Variants in UGT2B11 observed in about 807,000 individuals in gnomAD.
The protein encoded by UGT2B11 is UDP-glucuronosyltransferase 2B11.
UGT2B11 carries 49 observed loss-of-function variants against 51.7 expected under a neutral mutation model. The observed-to-expected ratio is 0.95, with a 90% CI of 0.75 to 1.20. The LOEUF is 1.20. Ranked by LOEUF, UGT2B11 falls within the 50% of genes most tolerant of loss-of-function variation. The pLI is 0.00. For synonymous variants in UGT2B11, 273 were observed against 209.0 expected (o/e 1.31, Z -2.64); for missense variants, 810 against 622.1 (o/e 1.30, Z -3.21).
the UGT2B11 span, among the ~76,000 whole-genome samples, chr4:69,220,617 G>A: frequency 0.045 from 6,677 of 149,366 alleles, 197 homozygotes; most frequent in South Asian, 0.1. Context: ...GCCCAAAAGC[G>A]AGTAATAGTA....
chr4:69,211,635 T>G (rs1577965310), intron 2 of UGT2B11, among the ~76,000 whole-genome samples: 1 of 151,536 alleles, frequency 6.6e-6, no homozygotes, highest in Non-Finnish European at 1.5e-5. Flanking sequence ...CAACACAATA[T>G]GAAGTTGGCA....
chr4:69,221,089 A>T, the UGT2B11 span, among the ~76,000 whole-genome samples: 4 of 152,120 alleles, frequency 2.6e-5, no homozygotes, highest in African/African-American at 4.8e-5. Flanking sequence ...AGACTTTGTA[A>T]CTCTTGTTCA....
chr4:69,200,931 G>A (rs938693952), intron 5 of UGT2B11, among the ~76,000 whole-genome samples: 10 of 151,212 alleles, frequency 6.6e-5, no homozygotes, highest in African/African-American at 2.2e-4. Flanking sequence ...AGCAGAAATG[G>A]AAGGTCAGGT....
intron 1 of UGT2B11, among the ~76,000 whole-genome samples, chr4:69,213,656 T>G (rs1374975633): frequency 6.6e-6 from 1 of 151,852 alleles, no homozygotes; most frequent in East Asian, 1.9e-4. Flanking sequence ...TCATTCTATA[T>G]CTATGCATTC....
chr4:69,215,803 G>C (rs904490848), upstream of UGT2B11: 1 of 151,932 alleles, frequency 6.6e-6, no homozygotes, highest in South Asian at 2.1e-4. Context: ...AACCAAAAAA[G>C]TTATTTTTTA....
chr4:69,210,146 T>C (rs1388410631), intron 2 of UGT2B11, among the ~76,000 whole-genome samples: 2 of 151,566 alleles, frequency 1.3e-5, no homozygotes, highest in African/African-American at 4.8e-5. Flanking sequence ...TTATTTGTAC[T>C]ATGGCTGATG....
chr4:69,213,717 T>C (rs1722158448), intron 1 of UGT2B11, among the ~76,000 whole-genome samples: 1 of 151,900 alleles, frequency 6.6e-6, no homozygotes, highest in African/African-American at 2.4e-5. Flanking sequence ...TAAAACATTA[T>C]ATAGTAAAAC....
At chr4:69,215,451 G>A (rs1475532647), upstream of UGT2B11, 1 of 151,916 alleles carries the variant, frequency 6.6e-6, no homozygotes, top group African/African-American at 2.4e-5. Flanking sequence ...GTAGAATAGT[G>A]TAAATAAGGA....
intron 1 of UGT2B11, among the ~76,000 whole-genome samples, chr4:69,213,459 A>C (rs1171464544): frequency 6.6e-6 from 1 of 151,764 alleles, no homozygotes; most frequent in African/African-American, 2.4e-5. Context: ...GGAGTATAGA[A>C]ATATTAGAAA....
chr4:69,220,616 C>T, the UGT2B11 span, among the ~76,000 whole-genome samples: 1 of 150,550 alleles, frequency 6.6e-6, no homozygotes, highest in Non-Finnish European at 1.5e-5. Flanking sequence ...GGCCCAAAAG[C>T]GAGTAATAGT....
At chr4:69,211,232 G>A (rs1722050041) in intron 2 of UGT2B11, 1 of 151,488 alleles carries the variant, frequency 6.6e-6, no homozygotes, top group South Asian at 2.1e-4. Flanking sequence ...AGTGAACCCT[G>A]GGTTTGTCTG....
chr4:69,205,585 A>T lies in UGT2B11; in HGVS notation c.1003-18T>A, dbSNP rs189921152. On this transcript the variant is annotated intron_variant, in intron 3 of 5. Coordinates refer to ENST00000446444, the MANE Select transcript of UGT2B11 (RefSeq NM_001073.3). ...CACAGAACCTGTTACAGTAAAGAGA[A>T]TATCTTATTCCATGAGTGGAACTCA... The T allele has an allele frequency of 2.5e-6, 4 of 1,607,424 alleles. No homozygotes were observed. In the African/African-American group the frequency reaches 5.4e-5, roughly 22 times the overall value.
At chr4:69,218,906 A>G (rs1722339441), upstream of UGT2B11, among the ~76,000 whole-genome samples, 1 of 152,112 alleles carries the variant, frequency 6.6e-6, no homozygotes, top group African/African-American at 2.4e-5. Flanking sequence ...GCCAGTCCAC[A>G]TGTCCTTGAA....
chr4:69,217,339 T>C (rs750194598), upstream of UGT2B11, among the ~76,000 whole-genome samples: 40 of 152,176 alleles, frequency 2.6e-4, no homozygotes, highest in Non-Finnish European at 4.4e-5. Flanking sequence ...CTATTAATAA[T>C]CTGTTAACCT....
chr4:69,214,147 G>A lies in UGT2B11; in HGVS notation c.576C>T (p.Ser192=), dbSNP rs148942208. 183 of 1,612,666 alleles carry A rather than the reference G, an allele frequency of 1.1e-4. No individual in the cohort carries two copies. The African/African-American group carries it at 2.2e-3, about 19-fold the overall frequency. Residue 192 remains serine (S), a synonymous_variant, in exon 1 of 6, where the codon TCC becomes TCT. Coordinates refer to ENST00000446444, the MANE Select transcript of UGT2B11 (RefSeq NM_001073.3). The part of the protein sequence containing the change: ...RHSGGLIFPP[S]YIPIVMSKLS... Reference sequence around the variant, plus strand: ...ATTTTGACATAACAATAGGTATGTAGGAAGGAGGGAAAATCAGTCCTCCAC... The same window carrying A: ...ATTTTGACATAACAATAGGTATGTAAGAAGGAGGGAAAATCAGTCCTCCAC...
chr4:69,212,867 T>G, intron 1 of UGT2B11, 146 bp from the exon 2 acceptor site: 1 of 725,122 alleles, frequency 1.4e-6, no homozygotes, highest in Non-Finnish European at 1.8e-6. Context: ...GAATAATATA[T>G]TATTATGTAT....
At chr4:69,208,212 T>A in intron 3 of UGT2B11, 139 bp downstream of exon 3, 1 of 1,499,332 alleles carries the variant, frequency 6.7e-7, no homozygotes, top group Non-Finnish European at 8.9e-7. Flanking sequence ...CTTGTGTTGG[T>A]GGAAGCAACA....
At chr4:69,201,523 T>C (rs1199634424) in intron 5 of UGT2B11, among the ~76,000 whole-genome samples, 1 of 151,838 alleles carries the variant, frequency 6.6e-6, no homozygotes, top group Non-Finnish European at 1.5e-5. Flanking sequence ...ACTTTTCCTC[T>C]GCACACTGTC....
Position 69,214,531 on chromosome 4 carries a change from A to G in UGT2B11, c.192T>C (p.Phe64=), listed in dbSNP as rs142365277. The G allele has an allele frequency of 2.5e-6, 4 of 1,613,008 alleles. No homozygotes were observed. Among genetic ancestry groups the G allele is most frequent in the East Asian group, 2.2e-5 (1 of 44,818 alleles). ...TAAGAGTGGATGCATCATTGGGATC[A>G]AAAAGAATGGAAGCTGAAGATGCCA... is the stretch of plus-strand genomic sequence containing the variant. The part of the protein sequence containing the change: ...TVLASSASIL[F]DPNDASTLKF... Residue 64 remains phenylalanine (F), a synonymous_variant, in exon 1 of 6, where the codon TTT becomes TTC. Transcript: ENST00000446444.
Sources: allele counts gnomAD v4.1 joint callset (sites outside exome capture counted in the v4.1 genomes callset), GRCh38; gene constraint gnomAD v4.1.1; transcripts MANE v1.5; gene names NCBI Gene and HGNC (gene_info 2026-07-23, HGNC 2026-07-21).